The following OSMR variants were observed in gnomAD, a reference collection of about 807,000 sequenced individuals.
OSMR encodes oncostatin M receptor.
OSMR carries 81 observed loss-of-function variants against 99.9 expected under a neutral mutation model. The ratio of observed to expected loss-of-function variants is 0.81; its 90% CI spans 0.68 to 0.97. The LOEUF (loss-of-function observed/expected upper bound fraction) is 0.97. Ranked by LOEUF, OSMR falls within the 50% of genes least tolerant of loss-of-function variation. The pLI, the probability that OSMR is intolerant of heterozygous loss-of-function variation, is 0.00. For missense variants in OSMR, 1,099 were observed against 1,153.4 expected (o/e 0.95, Z 0.68); for synonymous variants, 406 against 410.4 (o/e 0.99, Z 0.13).
chr5:38,860,381 A>G (rs1045904406), intron 1 of OSMR, among the ~76,000 whole-genome samples: 1 of 152,194 alleles, frequency 6.6e-6, no homozygotes, highest in African/African-American at 2.4e-5. Flanking sequence ...ATTGATTTGC[A>G]TAGGTTGAAC....
chr5:38,864,047 T>C (rs1018949296), intron 1 of OSMR, among the ~76,000 whole-genome samples: 3 of 152,194 alleles, frequency 2.0e-5, no homozygotes, highest in African/African-American at 7.2e-5. Flanking sequence ...TGTATCTTTA[T>C]GGGTAAAGTT....
downstream of OSMR, chr5:38,940,614 A>G (rs1747459295): frequency 4.3e-6 from 1 of 232,736 alleles, no homozygotes; most frequent in African/African-American, 2.2e-5. Flanking sequence ...ACTTTTCAAC[A>G]TAAGCAGCAG....
intron 1 of OSMR, among the ~76,000 whole-genome samples, chr5:38,846,739 C>T (rs1015484268): frequency 1.3e-5 from 2 of 152,126 alleles, no homozygotes; most frequent in Non-Finnish European, 2.9e-5. Flanking sequence ...AGCGTCCGTC[C>T]GGGGCGCTTA....
intron 1 of OSMR, chr5:38,942,099 CA>C: frequency 2.5e-6 from 1 of 400,644 alleles, no homozygotes; most frequent in Non-Finnish European, 4.5e-6. Flanking sequence ...ATGAACCCCT[CA>C]AAAGGCTCAA....
At chr5:38,879,421 G>A (rs1418310847) in intron 3 of OSMR, among the ~76,000 whole-genome samples, 1 of 152,212 alleles carries the variant, frequency 6.6e-6, no homozygotes, top group African/African-American at 2.4e-5. Flanking sequence ...GTGGGGAACT[G>A]GGGCAAGGGA....
intron 7 of OSMR, among the ~76,000 whole-genome samples, chr5:38,890,722 AAGC>A (rs1744100469): frequency 6.6e-6 from 1 of 152,152 alleles, no homozygotes; most frequent in Admixed American, 6.5e-5. Flanking sequence ...GATTCAGAGT[AAGC>A]AGAGAAGAAG....
In OSMR at chr5:38,934,454, G is replaced by A. The variant is rs1746924691; in HGVS notation, c.*1010G>A. The A allele has an allele frequency of 6.6e-6, 1 of 152,150 alleles. No individual in the cohort carries two copies. Among genetic ancestry groups the A allele is most frequent in the South Asian group, 2.1e-4 (1 of 4,832 alleles). 9.4% of individuals were successfully genotyped at this position (152,150 alleles called of 1,614,324 possible). On this transcript the variant is annotated 3_prime_UTR_variant, in exon 18 of 18. Transcript: ENST00000274276. ...AGTTCTATGAAGTGGGAAATTCCGT[G>A]TTGGCTCTGGAGCAGCTTTGTCTCC...
At chr5:38,879,716 C>T (rs527908649) in intron 3 of OSMR, among the ~76,000 whole-genome samples, 89 of 151,210 alleles carry the variant, frequency 5.9e-4, no homozygotes, top group Middle Eastern at 3.4e-3. Context: ...CTCCGTCTTC[C>T]GGGTTCTAGC....
intron 7 of OSMR, 141 bp downstream of exon 7, chr5:38,886,331 C>T: frequency 2.0e-6 from 3 of 1,502,250 alleles, no homozygotes; most frequent in Non-Finnish European, 2.7e-6. Context: ...ATTGTTCATG[C>T]CACGTTTCTC....
intron 5 of OSMR, 180 bp from the exon 6 acceptor site, chr5:38,885,169 C>T (rs1406768586): frequency 1.0e-6 from 1 of 985,048 alleles, no homozygotes; most frequent in African/African-American, 1.7e-5. Flanking sequence ...GAGAAGGGGC[C>T]AAGATGAGGT....
intron 1 of OSMR, 133 bp from the exon 2 acceptor site, chr5:38,868,899 A>G: frequency 2.9e-6 from 3 of 1,034,632 alleles, no homozygotes; most frequent in Non-Finnish European, 4.2e-6. Context: ...AAGTACCATG[A>G]CAAGAGGCAT....
chr5:38,884,506 T>G (rs1250400020), intron 5 of OSMR, among the ~76,000 whole-genome samples: 1 of 152,184 alleles, frequency 6.6e-6, no homozygotes, highest in Non-Finnish European at 1.5e-5. Flanking sequence ...GTTTGAATCT[T>G]CTTTCCCTGG....
At chr5:38,869,259 C>A in intron 2 of OSMR, 142 bp downstream of exon 2, 1 of 774,848 alleles carries the variant, frequency 1.3e-6, no homozygotes, top group East Asian at 2.5e-5. Flanking sequence ...GGAGATTTGT[C>A]AATCTCTCTA....
Position 38,869,099 on chromosome 5 carries a change from A to C in OSMR, c.55A>C (p.Arg19=). The C allele has an allele frequency of 6.2e-7, 1 of 1,612,008 alleles. No homozygotes were observed. The highest frequency in any genetic ancestry group is 2.2e-5 in the East Asian group (1 of 44,854). Residue 19 remains arginine (R), a synonymous_variant, in exon 2 of 18, where the codon AGG becomes CGG. Transcript: ENST00000274276. ...ATTCTTCTTAACATTGCTGTCCTTG[A>C]GGACTTACCAGAGTGAAGGTAAGAA... The part of the protein sequence containing the change: ...TTFFLTLLSL[R]TYQSEVLAER...
chr5:38,858,050 T>C (rs1464938594), intron 1 of OSMR, among the ~76,000 whole-genome samples: 1 of 152,232 alleles, frequency 6.6e-6, no homozygotes, highest in Non-Finnish European at 1.5e-5. Context: ...GGTACATGCA[T>C]AAAATGCGTA....
chr5:38,863,174 G>T (rs1209298991), intron 1 of OSMR, among the ~76,000 whole-genome samples: 24 of 123,126 alleles, frequency 1.9e-4, no homozygotes, highest in African/African-American at 7.5e-4. Context: ...GAGGGAGACC[G>T]TGGGGAGAGG....
At chr5:38,915,753 T>G (rs770101703) in intron 9 of OSMR, among the ~76,000 whole-genome samples, 6 of 152,248 alleles carry the variant, frequency 3.9e-5, no homozygotes, top group Non-Finnish European at 5.9e-5. Flanking sequence ...AGAAGTCATA[T>G]GAGACATGCT....
In OSMR at chr5:38,935,094, C is replaced by CAA. The variant is rs1222926142; in HGVS notation, c.*1652_*1653dup. 1 of 152,534 alleles carries CAA rather than the reference C, an allele frequency of 6.6e-6. No homozygotes were observed. The highest frequency in any genetic ancestry group is 2.1e-4 in the South Asian group (1 of 4,834). The allele number at this position is 152,534 out of a possible 1,614,324, so 9.4% of individuals were successfully genotyped here. A position where few individuals can be genotyped will look rare whatever the true frequency, so the allele number is the denominator to read the frequency against. On this transcript the variant is annotated 3_prime_UTR_variant, in exon 18 of 18. Coordinates refer to ENST00000274276, the MANE Select transcript of OSMR (RefSeq NM_003999.3). Reference sequence around the variant, plus strand: ...AGGTGATCTGCCTGCCTTGGCCTCCCAAAGTGCTGGGATTACAGGCGTGAG... The same window carrying CAA: ...AGGTGATCTGCCTGCCTTGGCCTCCCAAAAAGTGCTGGGATTACAGGCGTGAG...
chr5:38,894,390 T>C (rs1744351797), intron 7 of OSMR, among the ~76,000 whole-genome samples: 1 of 151,562 alleles, frequency 6.6e-6, no homozygotes, highest in Non-Finnish European at 1.5e-5. Context: ...AAATTAATTA[T>C]TGAATGAAAA....
Sources: allele counts gnomAD v4.1 joint callset (sites outside exome capture counted in the v4.1 genomes callset), GRCh38; gene constraint gnomAD v4.1.1; transcripts MANE v1.5; gene names NCBI Gene and HGNC (gene_info 2026-07-23, HGNC 2026-07-21).